Variants in ALK observed in about 807,000 individuals in gnomAD.
The protein encoded by ALK is ALK receptor tyrosine kinase.
In ALK, 74 loss-of-function variants were observed where a neutral mutation model predicts 163.1. The observed-to-expected ratio is 0.45, with a 90% confidence interval of 0.38 to 0.55. The LOEUF (loss-of-function observed/expected upper bound fraction) is 0.55, where lower values mean the gene tolerates loss of function less well. Ranked by LOEUF, ALK falls within the 20% of genes least tolerant of loss-of-function variation. The pLI, the probability that ALK is intolerant of heterozygous loss-of-function variation, is 0.00. For synonymous variants in ALK, 960 were observed against 843.2 expected (o/e 1.14, Z -2.40); for missense variants, 2,063 against 2,105.3 (o/e 0.98, Z 0.39).
intron 8 of ALK, among the ~76,000 whole-genome samples, chr2:29,312,410 C>T (rs1666720859): frequency 6.6e-6 from 1 of 152,110 alleles, no homozygotes; most frequent in South Asian, 2.1e-4. Flanking sequence ...GGGGCTTCCT[C>T]CAAGGGCTAA....
intron 3 of ALK, among the ~76,000 whole-genome samples, chr2:29,602,695 C>CTTTGT (rs1382871979): frequency 6.6e-6 from 1 of 152,116 alleles, no homozygotes; most frequent in Non-Finnish European, 1.5e-5. Flanking sequence ...GTTAAAGAGT[C>CTTTGT]CTGAACCTCT....
chr2:29,478,224 T>C (rs1333403704), intron 4 of ALK, among the ~76,000 whole-genome samples: 2 of 152,226 alleles, frequency 1.3e-5, no homozygotes, highest in African/African-American at 4.8e-5. Context: ...ATATGGCCCA[T>C]GTTGCCCTCC....
intron 3 of ALK, among the ~76,000 whole-genome samples, chr2:29,634,089 G>C (rs186015472): frequency 6.6e-6 from 1 of 150,950 alleles, no homozygotes; most frequent in Non-Finnish European, 1.5e-5. Flanking sequence ...AGGTGTCCTG[G>C]CTATTCATGA....
At chr2:29,610,981 C>G (rs1471819371) in intron 3 of ALK, among the ~76,000 whole-genome samples, 1 of 152,156 alleles carries the variant, frequency 6.6e-6, no homozygotes, top group African/African-American at 2.4e-5. Context: ...CCCAGATCCC[C>G]TTTGTTGCCT....
rs142234574 is a variant in ALK, at chr2:29,240,152, C to CAGAGAGAGGGAGAGAG, written c.2205-323_2205-322insCTCTCTCCCTCTCTCT. ...GGAGGGGAGAGAGAGAGGGAAACAG[C>CAGAGAGAGGGAGAGAG]AGAGAGAGAGAGAGAGAGAGAGAGA... On this transcript the variant is annotated intron_variant, in intron 12 of 28. Transcript: ENST00000389048. Among the ~76,000 whole-genome samples, 787 of 143,390 alleles carry CAGAGAGAGGGAGAGAG rather than the reference C, an allele frequency of 5.5e-3. 8 individuals are homozygous for CAGAGAGAGGGAGAGAG. The highest frequency in any genetic ancestry group is 0.019 in the African/African-American group (748 of 38,776). The allele number at this position is 143,390 out of a possible 152,430, so 94.1% of individuals were successfully genotyped here. A position where few individuals can be genotyped will look rare whatever the true frequency, so the allele number is the denominator to read the frequency against.
intron 1 of ALK, among the ~76,000 whole-genome samples, chr2:29,862,903 G>T (rs1666330709): frequency 6.6e-6 from 1 of 151,710 alleles, no homozygotes. Context: ...CATCATACTG[G>T]CACAAAAACA....
chr2:29,805,802 T>C (rs1458127549), intron 1 of ALK, among the ~76,000 whole-genome samples: 1 of 152,110 alleles, frequency 6.6e-6, no homozygotes, highest in East Asian at 1.9e-4. Context: ...GGAGCACTTT[T>C]TAATCATCTC....
intron 1 of ALK, among the ~76,000 whole-genome samples, chr2:29,898,212 C>T (rs370863972): frequency 1.3e-5 from 2 of 152,312 alleles, no homozygotes; most frequent in African/African-American, 2.4e-5. Context: ...CTGATTTTTT[C>T]GGTGAACCCA....
At position 29,760,348 on chromosome 2, in the gene ALK, G is replaced by A. The variant is rs554542261; in HGVS notation, c.668-42651C>T. ...GGCAAGCTATTTAACCCTCTCGGCC[G>A]CAGCTTCTTCATTTGTAATATGGCT... On this transcript the variant is annotated intron_variant, in intron 1 of 28. Coordinates refer to ENST00000389048, the MANE Select transcript of ALK (RefSeq NM_004304.5). 9.9e-4 allele frequency among the ~76,000 whole-genome samples: 150 copies of A among 152,246 alleles called. 1 individual carries two copies. Among genetic ancestry groups the A allele is most frequent in the South Asian group, 4.2e-4 (2 of 4,816 alleles).
At chr2:29,571,590 C>T (rs1192493955) in intron 3 of ALK, among the ~76,000 whole-genome samples, 2 of 130,710 alleles carry the variant, frequency 1.5e-5, no homozygotes, top group East Asian at 2.2e-4. Flanking sequence ...ATTACCTAGT[C>T]TTGGCTCATA....
intron 4 of ALK, among the ~76,000 whole-genome samples, chr2:29,455,234 A>G (rs1670921715): frequency 6.6e-6 from 1 of 152,200 alleles, no homozygotes; most frequent in African/African-American, 2.4e-5. Flanking sequence ...GAGAGCCCAG[A>G]GGGACTGTCA....
At chr2:29,638,214 G>A (rs779388384) in intron 3 of ALK, among the ~76,000 whole-genome samples, 7 of 152,180 alleles carry the variant, frequency 4.6e-5, no homozygotes, top group Non-Finnish European at 8.8e-5. Context: ...GCATGACCAT[G>A]GGGACCTGCA....
chr2:29,771,278 T>C (rs1396234627), intron 1 of ALK, among the ~76,000 whole-genome samples: 2 of 152,148 alleles, frequency 1.3e-5, no homozygotes, highest in African/African-American at 2.4e-5. Flanking sequence ...CTTGAATTTC[T>C]AGATTAAAGG....
intron 5 of ALK, among the ~76,000 whole-genome samples, chr2:29,353,355 A>G (rs1404955878): frequency 5.3e-5 from 8 of 152,156 alleles, no homozygotes; most frequent in Non-Finnish European, 7.3e-5. Context: ...CCTATCAATC[A>G]ATCACCAATT....
intron 4 of ALK, among the ~76,000 whole-genome samples, chr2:29,387,442 T>C (rs984146338): frequency 6.6e-6 from 1 of 152,282 alleles, no homozygotes; most frequent in African/African-American, 2.4e-5. Flanking sequence ...CTTGTGAATA[T>C]CAAGGTCCAT....
At chr2:29,508,732 TCAAAAA>T (rs1672418998) in intron 4 of ALK, among the ~76,000 whole-genome samples, 1 of 16,022 alleles carries the variant, frequency 6.2e-5, no homozygotes, top group Non-Finnish European at 1.1e-4. Flanking sequence ...TATCTGCAAC[TCAAAAA>T]AAAAAAAAAA....
At chr2:29,432,728 A>G (rs1573349223) in intron 4 of ALK, among the ~76,000 whole-genome samples, 1 of 149,622 alleles carries the variant, frequency 6.7e-6, no homozygotes, top group Non-Finnish European at 1.5e-5. Flanking sequence ...AACTAGATGT[A>G]GCCTTTTCCT....
At chr2:29,818,601 A>G (rs762218779) in intron 1 of ALK, among the ~76,000 whole-genome samples, 1 of 152,252 alleles carries the variant, frequency 6.6e-6, no homozygotes, top group Non-Finnish European at 1.5e-5. Context: ...TTAGTGCTCC[A>G]AGAATATTCC....
At chr2:29,458,957 C>G (rs1573372422) in intron 4 of ALK, among the ~76,000 whole-genome samples, 1 of 152,132 alleles carries the variant, frequency 6.6e-6, no homozygotes, top group African/African-American at 2.4e-5. Context: ...CCCAGTCATA[C>G]AGGACCACAC....
Sources: gnomAD v4.1 joint callset for allele counts (sites outside exome capture counted in the v4.1 genomes callset) on GRCh38, gnomAD v4.1.1 for gene constraint, MANE v1.5 for transcripts, NCBI Gene and HGNC (gene_info 2026-07-23, HGNC 2026-07-21) for gene names.